The following SBK1 variants were observed in gnomAD, a reference collection of about 807,000 sequenced individuals.
SBK1 encodes SH3 domain binding kinase 1, also known as serine/threonine-protein kinase SBK1.
In SBK1, 11 loss-of-function variants were observed where a neutral mutation model predicts 24.4. The observed-to-expected ratio is 0.45, with a 90% CI of 0.28 to 0.75. The LOEUF (loss-of-function observed/expected upper bound fraction) is 0.75, where lower values mean the gene tolerates loss of function less well. SBK1 is among the 30% of genes least tolerant of loss of function. The probability of loss-of-function intolerance (pLI) is 0.12; values close to 1 mark genes in which losing one functional copy is unlikely to be tolerated. For missense variants in SBK1, 467 were observed against 620.5 expected (o/e 0.75, Z 2.63); for synonymous variants, 308 against 284.4 (o/e 1.08, Z -0.83).
chr16:28,279,272 G>A (rs2044514178), intron 1 of SBK1, among the ~76,000 whole-genome samples: 1 of 151,730 alleles, frequency 6.6e-6, no homozygotes, highest in African/African-American at 2.4e-5. Flanking sequence ...TATGGCTCAT[G>A]CCTGTGGTCC....
In SBK1 at chr16:28,320,067, C is replaced by T. The variant is rs772263802; in HGVS notation, c.430-9C>T. On this transcript the variant is annotated splice_polypyrimidine_tract_variant and intron_variant, in intron 3 of 3. Transcript: ENST00000341901. This position sits in a 1 kb window ranked among gnomAD's most constrained non-coding sequence, Gnocchi z 8.5. The stretch of plus-strand genomic sequence containing the variant: ...TGGAAACAGCGCGGCTTCCCCCGGC[C>T]GCCCGCAGGTGGGGCTCCCTGAGGA... The T allele has an allele frequency of 4.7e-5, 70 of 1,475,260 alleles. No homozygotes were observed. The African/African-American group carries it at 8.9e-4, about 19-fold the overall frequency. The allele number at this position is 1,475,260 out of a possible 1,614,324, so 91.4% of individuals were successfully genotyped here. A position where few individuals can be genotyped will look rare whatever the true frequency, so the allele number is the denominator to read the frequency against.
At chr16:28,312,458 G>A (rs1269085739) in intron 1 of SBK1, among the ~76,000 whole-genome samples, 1 of 152,190 alleles carries the variant, frequency 6.6e-6, no homozygotes, top group African/African-American at 2.4e-5. Flanking sequence ...GTGGCTGCGG[G>A]AAAGAGCCAG....
chr16:28,274,432 C>G (rs1447560256), intron 1 of SBK1, among the ~76,000 whole-genome samples: 1 of 151,856 alleles, frequency 6.6e-6, no homozygotes, highest in African/African-American at 2.4e-5. Context: ...GGCAGAGCAC[C>G]CGAGGTCTGG....
intron 1 of SBK1, among the ~76,000 whole-genome samples, chr16:28,309,970 G>A (rs995730566): frequency 1.3e-5 from 2 of 152,220 alleles, no homozygotes; most frequent in Admixed American, 6.5e-5. Flanking sequence ...GTTGGGTGTC[G>A]TTTCATAAGG....
At chr16:28,277,739 C>G (rs2040400373) in intron 1 of SBK1, among the ~76,000 whole-genome samples, 1 of 152,174 alleles carries the variant, frequency 6.6e-6, no homozygotes, top group South Asian at 2.1e-4. Context: ...GGATTCATGT[C>G]CTGGGTTGTG....
intron 1 of SBK1, among the ~76,000 whole-genome samples, chr16:28,300,792 C>T (rs1218260123): frequency 1.3e-5 from 2 of 152,134 alleles, no homozygotes; most frequent in Non-Finnish European, 2.9e-5. Context: ...CCCTAAACTG[C>T]ACTGTTATTT....
At chr16:28,280,143 A>G (rs1202175008) in intron 1 of SBK1, among the ~76,000 whole-genome samples, 635 of 57,172 alleles carry the variant, frequency 0.011, 11 homozygotes, top group African/African-American at 0.021. Flanking sequence ...ATATATATAT[A>G]TATATATGTG....
intron 1 of SBK1, among the ~76,000 whole-genome samples, chr16:28,271,098 T>A (rs2044462863): frequency 6.8e-6 from 1 of 147,690 alleles, no homozygotes; most frequent in Admixed American, 6.7e-5. Context: ...CTCCTGACCT[T>A]GTGATCCACC....
At chr16:28,284,084 G>A (rs938263527) in intron 1 of SBK1, among the ~76,000 whole-genome samples, 7 of 152,100 alleles carry the variant, frequency 4.6e-5, no homozygotes, top group East Asian at 1.9e-4. Flanking sequence ...CATTGCCCAC[G>A]GTGGTGACTG....
intron 1 of SBK1, among the ~76,000 whole-genome samples, chr16:28,293,934 C>G (rs1273828534): frequency 6.6e-6 from 1 of 152,142 alleles, no homozygotes; most frequent in African/African-American, 2.4e-5. Flanking sequence ...AAGTACCCCC[C>G]AAAGTGAGGC....
At chr16:28,316,466 G>A (rs921044803) in intron 1 of SBK1, among the ~76,000 whole-genome samples, 4 of 152,088 alleles carry the variant, frequency 2.6e-5, no homozygotes, top group African/African-American at 4.8e-5. Flanking sequence ...CAGGTGCTTC[G>A]TCAGTACTTG....
intron 1 of SBK1, among the ~76,000 whole-genome samples, chr16:28,261,459 ACACACACACACACACACAC>A (rs1210953038): frequency 6.6e-6 from 1 of 151,196 alleles, no homozygotes; most frequent in African/African-American, 2.4e-5. Context: ...ACACACACAC[ACACACACACACACACACAC>A]AATTAGCCAG....
intron 1 of SBK1, among the ~76,000 whole-genome samples, chr16:28,265,694 C>G (rs1295609654): frequency 6.6e-6 from 1 of 151,822 alleles, no homozygotes; most frequent in African/African-American, 2.4e-5. Flanking sequence ...CATCATGAAG[C>G]CTGGCACGGT....
intron 1 of SBK1, among the ~76,000 whole-genome samples, chr16:28,296,284 G>A (rs1262073841): frequency 6.6e-6 from 1 of 151,782 alleles, no homozygotes; most frequent in African/African-American, 2.4e-5. Context: ...TAGTAGAGAC[G>A]GGGTTTCACC....
At chr16:28,265,068 C>T (rs2044419987) in intron 1 of SBK1, among the ~76,000 whole-genome samples, 1 of 151,030 alleles carries the variant, frequency 6.6e-6, no homozygotes, top group South Asian at 2.1e-4. Flanking sequence ...ACCCAGGATT[C>T]GAAACCAGCC....
intron 1 of SBK1, among the ~76,000 whole-genome samples, chr16:28,270,207 G>A (rs996386889): frequency 9.2e-5 from 14 of 151,450 alleles, no homozygotes; most frequent in Admixed American, 4.0e-4. Context: ...GACTACAGGC[G>A]CACACCCCCA....
chr16:28,276,818 C>T (rs1056102297), intron 1 of SBK1, among the ~76,000 whole-genome samples: 3 of 152,046 alleles, frequency 2.0e-5, no homozygotes, highest in Non-Finnish European at 4.4e-5. Flanking sequence ...GCGCCCGCCA[C>T]CACGCCCGGC....
At chr16:28,289,779 A>C (rs550176348), upstream of SBK1, among the ~76,000 whole-genome samples, 225 of 151,064 alleles carry the variant, frequency 1.5e-3, no homozygotes, top group East Asian at 4.9e-3. Context: ...GAAAAAAAAA[A>C]AAAACAAAAA....
At position 28,298,224 on chromosome 16, in the gene SBK1, G is replaced by T. The variant is rs548739208; in HGVS notation, c.-8+4924G>T. 2.4e-3 allele frequency among the ~76,000 whole-genome samples: 366 copies of T among 152,316 alleles called. 4 individuals carry two copies. The highest frequency in any genetic ancestry group is 8.3e-3 in the African/African-American group (346 of 41,562). ...GCCACCCTCCCATCGCCCCACAATT[G>T]CTTGGCCATACCTGGAGAGAGGACA... On this transcript the variant is annotated intron_variant, in intron 1 of 3. Transcript: ENST00000341901.
Sources: allele counts gnomAD v4.1 joint callset (sites outside exome capture counted in the v4.1 genomes callset), GRCh38; gene constraint gnomAD v4.1.1; non-coding constraint Gnocchi (gnomAD v3.1); transcripts MANE v1.5; gene names NCBI Gene and HGNC (gene_info 2026-07-23, HGNC 2026-07-21).